KIF21A: variants seen among roughly 807,000 people sequenced by gnomAD.
KIF21A encodes kinesin family member 21A, also known as kinesin-like protein KIF21A.
A neutral mutation model predicts 202.9 loss-of-function variants in KIF21A; 114 were observed. The ratio of observed to expected loss-of-function variants is 0.56; its 90% CI spans 0.48 to 0.66. KIF21A has a LOEUF of 0.66. Among genes scored for constraint, KIF21A ranks in the 30% least tolerant of loss-of-function variants. The probability of loss-of-function intolerance (pLI) is 0.00; values close to 1 mark genes in which losing one functional copy is unlikely to be tolerated. For missense variants in KIF21A, 1,677 were observed against 1,994.9 expected, an observed-to-expected ratio of 0.84 and a Z score of 3.04; for synonymous variants, 667 against 670.8, an observed-to-expected ratio of 0.99 and a Z score of 0.09.
chr12:39,344,655 C>A (rs571107101), intron 12 of KIF21A, among the ~76,000 whole-genome samples: 1 of 152,242 alleles, frequency 6.6e-6, no homozygotes, highest in Admixed American at 6.6e-5. Context: ...ATTCGTGCCA[C>A]TTCTGATGTG....
rs769657363 is a variant in KIF21A, at chr12:39,294,453, C to A, written c.4996G>T (p.Asp1666Tyr). Residue 1666 changes from aspartate (D) to tyrosine (Y), a missense_variant, in exon 38 of 38, where the codon GAT becomes TAT. Around this residue, in one of 3 missense-constraint regions of KIF21A, gnomAD observed 705 missense variants for 791.9 expected, o/e 0.89. Coordinates refer to ENST00000361418, the MANE Select transcript of KIF21A (RefSeq NM_001173464.2). ...TTACTGGCAATATCTTCCCCCAGATCTCCTGTGTCAGAGATCTGACCATCT... is the reference window on the plus strand; with the variant it reads ...TTACTGGCAATATCTTCCCCCAGATATCCTGTGTCAGAGATCTGACCATCT... The part of the protein sequence containing the change: ...LQDGQISDTG[D>Y]LGEDIASN 1.9e-6 allele frequency: 3 copies of A among 1,613,674 alleles called. No individual in the cohort carries two copies. The East Asian group carries it at 6.7e-5, about 36-fold the overall frequency.
At chr12:39,301,952 C>G (rs906658477) in intron 36 of KIF21A, among the ~76,000 whole-genome samples, 1 of 152,158 alleles carries the variant, frequency 6.6e-6, no homozygotes, top group South Asian at 2.1e-4. Context: ...ATAGAACTTT[C>G]GAGCATCACA....
chr12:39,436,636 CAAA>C (rs113310174), intron 1 of KIF21A, among the ~76,000 whole-genome samples: 4 of 85,122 alleles, frequency 4.7e-5, no homozygotes, highest in Non-Finnish European at 5.2e-5. Flanking sequence ...TTAATAATTG[CAAA>C]AAAAAAAAAA....
chr12:39,389,398 C>T (rs2139615142), intron 1 of KIF21A, among the ~76,000 whole-genome samples: 1 of 152,262 alleles, frequency 6.6e-6, no homozygotes, highest in Non-Finnish European at 1.5e-5. Context: ...ATCCATGACA[C>T]AAATTAGCTC....
At chr12:39,331,930 C>T (rs1283227069) in intron 21 of KIF21A, 139 bp from the exon 22 acceptor site, 4 of 746,452 alleles carry the variant, frequency 5.4e-6, no homozygotes, top group Non-Finnish European at 9.4e-6. Flanking sequence ...ATGATCATTA[C>T]CCCAAGAAAC....
chr12:39,392,732 T>C (rs575575018), intron 1 of KIF21A, among the ~76,000 whole-genome samples: 3 of 151,240 alleles, frequency 2.0e-5, no homozygotes, highest in Non-Finnish European at 2.9e-5. Flanking sequence ...TATGTTCAAG[T>C]GCTGAGAGAA....
intron 24 of KIF21A, among the ~76,000 whole-genome samples, chr12:39,329,806 C>A (rs957108083): frequency 6.6e-6 from 1 of 150,976 alleles, no homozygotes; most frequent in African/African-American, 2.4e-5. Context: ...CTTAAATTTA[C>A]AAAAATAAAA....
intron 24 of KIF21A, among the ~76,000 whole-genome samples, chr12:39,326,794 T>C (rs1945975750): frequency 6.6e-6 from 1 of 152,248 alleles, no homozygotes; most frequent in Admixed American, 6.5e-5. Flanking sequence ...TTTTTCCTTT[T>C]TTAATTTTTG....
chr12:39,313,908 T>G (rs185917090), intron 31 of KIF21A, among the ~76,000 whole-genome samples: 111 of 151,716 alleles, frequency 7.3e-4, no homozygotes, highest in Non-Finnish European at 7.4e-4. Context: ...GAATGAAGGA[T>G]CTGTAGACTA....
chr12:39,437,448 A>C (rs1938967847), intron 1 of KIF21A, among the ~76,000 whole-genome samples: 1 of 152,182 alleles, frequency 6.6e-6, no homozygotes, highest in Non-Finnish European at 1.5e-5. Flanking sequence ...CTGGCTTTTC[A>C]GTCTACTCTC....
intron 27 of KIF21A, 178 bp downstream of exon 27, chr12:39,322,490 T>C (rs1945384433): frequency 1.8e-6 from 1 of 543,664 alleles, no homozygotes; most frequent in Non-Finnish European, 3.2e-6. Flanking sequence ...GGACATCTCA[T>C]CTTAAATTAT....
intron 26 of KIF21A, among the ~76,000 whole-genome samples, chr12:39,325,050 C>T (rs1288548473): frequency 5.9e-5 from 9 of 152,156 alleles, no homozygotes; most frequent in African/African-American, 1.9e-4. Flanking sequence ...TAAAACCCTA[C>T]AAATACGCAT....
At chr12:39,370,401 A>C in intron 1 of KIF21A, 140 bp from the exon 2 acceptor site, 1 of 651,816 alleles carries the variant, frequency 1.5e-6, no homozygotes, top group East Asian at 2.7e-5. Flanking sequence ...TGAAAAGTTT[A>C]AATAAATTGA....
chr12:39,373,475 A>G (rs1950087531), intron 1 of KIF21A, among the ~76,000 whole-genome samples: 1 of 152,160 alleles, frequency 6.6e-6, no homozygotes, highest in Non-Finnish European at 1.5e-5. Context: ...CTACCTCATT[A>G]ACTCCAAGTC....
chr12:39,431,157 A>C (rs534836027), intron 1 of KIF21A, among the ~76,000 whole-genome samples: 2 of 152,328 alleles, frequency 1.3e-5, no homozygotes, highest in African/African-American at 4.8e-5. Context: ...ACTGGATGGC[A>C]TGGAAGTGAA....
At chr12:39,332,193 G>T in intron 21 of KIF21A, 21 bp downstream of exon 21, 2 of 1,603,986 alleles carry the variant, frequency 1.2e-6, no homozygotes, top group South Asian at 2.2e-5. Flanking sequence ...AAACCATTAC[G>T]CTTTTTTAAA....
chr12:39,353,241 T>C lies in KIF21A; in HGVS notation c.1470-1261A>G, dbSNP rs540834528. The stretch of plus-strand genomic sequence containing the variant: ...GGTCTCACTATATTGCCCAGGCTCG[T>C]CTCAAGCTCCCAGCCTCAAGTGATC... On this transcript the variant is annotated intron_variant, in intron 10 of 37. Transcript: ENST00000361418. 1.6e-4 allele frequency among the ~76,000 whole-genome samples: 25 copies of C among 152,204 alleles called. No homozygotes were observed. In the South Asian group the frequency reaches 2.7e-3, roughly 16 times the overall value.
intron 12 of KIF21A, among the ~76,000 whole-genome samples, chr12:39,346,015 T>C (rs538414292): frequency 1.2e-3 from 175 of 152,094 alleles, no homozygotes; most frequent in African/African-American, 3.8e-3. Flanking sequence ...GTAAAGATTA[T>C]ACCAAATAAA....
chr12:39,407,782 C>A (rs2139986610), intron 1 of KIF21A, among the ~76,000 whole-genome samples: 1 of 152,242 alleles, frequency 6.6e-6, no homozygotes, highest in South Asian at 2.1e-4. Context: ...TTCCTATTCA[C>A]AATGACTCTC....
Sources: allele counts gnomAD v4.1 joint callset (sites outside exome capture counted in the v4.1 genomes callset), GRCh38; gene constraint gnomAD v4.1.1; regional missense constraint gnomAD v4.1.1; transcripts MANE v1.5; gene names NCBI Gene and HGNC (gene_info 2026-07-23, HGNC 2026-07-21).